The following METTL15 variants were observed in gnomAD, a reference collection of about 807,000 sequenced individuals.
The protein encoded by METTL15 is methyltransferase 15, mitochondrial 12S rRNA N4-cytidine, also known as 12S rRNA N(4)-cytidine methyltransferase METTL15.
Under a neutral mutation model 38.3 loss-of-function variants are expected in METTL15, and 34 were observed. The ratio of observed to expected loss-of-function variants is 0.89; its 90% CI spans 0.68 to 1.18. The LOEUF is 1.18. Ranked by LOEUF, METTL15 falls within the 50% of genes most tolerant of loss-of-function variation. The pLI, the probability that METTL15 is intolerant of heterozygous loss-of-function variation, is 0.00. For missense variants in METTL15, 438 were observed against 498.4 expected (o/e 0.88, Z 1.15); for synonymous variants, 162 against 170.9 (o/e 0.95, Z 0.41).
intron 4 of METTL15, among the ~76,000 whole-genome samples, chr11:28,228,182 C>G (rs1853555156): frequency 6.6e-6 from 1 of 151,832 alleles, no homozygotes; most frequent in African/African-American, 2.4e-5. Context: ...AGAATCTCCT[C>G]CCTTGTGTGT....
At chr11:28,195,545 C>A (rs1487589537) in intron 3 of METTL15, among the ~76,000 whole-genome samples, 6 of 151,996 alleles carry the variant, frequency 3.9e-5, no homozygotes, top group Non-Finnish European at 7.4e-5. Context: ...TATTTGCCTG[C>A]ATTTTAATGG....
At chr11:28,237,473 C>A (rs1854052554) in intron 4 of METTL15, among the ~76,000 whole-genome samples, 1 of 152,148 alleles carries the variant, frequency 6.6e-6, no homozygotes, top group Non-Finnish European at 1.5e-5. Context: ...AAGCACTTCT[C>A]TGTATTGGTT....
In METTL15 at chr11:28,113,563, G is replaced by T; in HGVS notation, c.229G>T (p.Val77Leu). The change falls in exon 3 of 7, where the codon GTG (valine) becomes TTG (leucine). Residue 77 changes from valine (V) to leucine (L), a missense_variant. Val to Leu is a conservative substitution (Grantham distance 32, BLOSUM62 1). Coordinates refer to ENST00000407364, the MANE Select transcript of METTL15 (RefSeq NM_001113528.2). The stretch of plus-strand genomic sequence containing the variant: ...GGCTAAATTACATATTCCAGTAATG[G>T]TGGATGAAGTTGTTCATTGTTTGTC... ...TMAKLHIPVM[V>L]DEVVHCLSPQ... is the part of the protein sequence containing the mutation. 6.2e-7 allele frequency: 1 copy of T among 1,612,586 alleles called. No individual in the cohort carries two copies. The highest frequency in any genetic ancestry group is 1.7e-4 in the Middle Eastern group (1 of 6,050).
At chr11:28,443,104 A>T (rs950762688) in intron 6 of METTL15, among the ~76,000 whole-genome samples, 5 of 152,180 alleles carry the variant, frequency 3.3e-5, no homozygotes, top group African/African-American at 4.8e-5. Context: ...TTCTGTCTCC[A>T]TCTGCCTTTC....
At chr11:28,371,503 T>C (rs1292952149) in intron 5 of METTL15, among the ~76,000 whole-genome samples, 1 of 152,072 alleles carries the variant, frequency 6.6e-6, no homozygotes, top group African/African-American at 2.4e-5. Flanking sequence ...TTGCTTTGGC[T>C]ATTTGTGCTC....
intron 6 of METTL15, among the ~76,000 whole-genome samples, chr11:28,450,053 A>G (rs1851107343): frequency 6.6e-6 from 1 of 152,234 alleles, no homozygotes; most frequent in African/African-American, 2.4e-5. Context: ...GTAATCAATA[A>G]AAGAAATGGA....
chr11:28,322,211 A>G (rs1006670348), intron 6 of METTL15, among the ~76,000 whole-genome samples: 1 of 152,134 alleles, frequency 6.6e-6, no homozygotes, highest in African/African-American at 2.4e-5. Context: ...CAGAAACTCT[A>G]CAAAATTAAA....
intron 6 of METTL15, among the ~76,000 whole-genome samples, chr11:28,475,526 G>GGC: frequency 6.6e-6 from 1 of 152,276 alleles, no homozygotes; most frequent in Middle Eastern, 3.4e-3. Flanking sequence ...TGGTTTTCAT[G>GGC]GTTTGACACA....
In METTL15 at chr11:28,286,085, C is replaced by A. The variant is rs1229579120; in HGVS notation, c.408-4121C>A. 1.3e-5 allele frequency among the ~76,000 whole-genome samples: 2 copies of A among 152,036 alleles called. 1 individual carries two copies. The highest frequency in any genetic ancestry group is 2.9e-5 in the Non-Finnish European group (2 of 68,010). ...TCTTATTATATGAAGAAATTTATTT[C>A]AAGGAGTTAACTCACCTGATTGTGG... is the stretch of plus-strand genomic sequence containing the variant. On this transcript the variant is annotated intron_variant, in intron 4 of 6. Coordinates refer to ENST00000407364, the MANE Select transcript of METTL15 (RefSeq NM_001113528.2).
chr11:28,395,605 T>C (rs1370985689), intron 5 of METTL15, among the ~76,000 whole-genome samples: 1 of 152,034 alleles, frequency 6.6e-6, no homozygotes, highest in Non-Finnish European at 1.5e-5. Flanking sequence ...ATAGAGGCAA[T>C]AGCCTACCAA....
At chr11:28,512,943 C>T (rs914533058) in intron 6 of METTL15, among the ~76,000 whole-genome samples, 3 of 152,210 alleles carry the variant, frequency 2.0e-5, no homozygotes, top group Admixed American at 2.0e-4. Context: ...TTGTTCTTGT[C>T]TTCACATTGA....
intron 5 of METTL15, among the ~76,000 whole-genome samples, chr11:28,380,154 T>G (rs1247041899): frequency 6.8e-6 from 1 of 147,802 alleles, no homozygotes; most frequent in African/African-American, 2.5e-5. Context: ...CTTTATCCAT[T>G]CAGCCACTTT....
chr11:28,311,287 T>C (rs1017750534), intron 6 of METTL15, among the ~76,000 whole-genome samples: 2 of 152,218 alleles, frequency 1.3e-5, no homozygotes, highest in African/African-American at 4.8e-5. Flanking sequence ...ATTATCAATT[T>C]TGGAAATGTC....
intron 6 of METTL15, among the ~76,000 whole-genome samples, chr11:28,508,131 C>T (rs1851645067): frequency 6.6e-6 from 1 of 152,078 alleles, no homozygotes; most frequent in South Asian, 2.1e-4. Context: ...AAACTTATTT[C>T]CTGCTCAGAG....
At chr11:28,411,576 T>C (rs934874794) in intron 5 of METTL15, among the ~76,000 whole-genome samples, 1 of 151,878 alleles carries the variant, frequency 6.6e-6, no homozygotes, top group Non-Finnish European at 1.5e-5. Context: ...TACACAGAAA[T>C]CAACTCAAAA....
intron 4 of METTL15, among the ~76,000 whole-genome samples, chr11:28,216,513 G>C (rs1565174314): frequency 1.3e-5 from 2 of 151,980 alleles, no homozygotes; most frequent in Non-Finnish European, 2.9e-5. Context: ...GAATATACAA[G>C]TTCTATGAGA....
At chr11:28,193,532 G>A (rs1851777779) in intron 3 of METTL15, among the ~76,000 whole-genome samples, 1 of 152,008 alleles carries the variant, frequency 6.6e-6, no homozygotes, top group Non-Finnish European at 1.5e-5. Context: ...CTCCCTCCAG[G>A]CCCCACTTCC....
At chr11:28,170,391 A>T (rs1850813785) in intron 3 of METTL15, among the ~76,000 whole-genome samples, 1 of 152,056 alleles carries the variant, frequency 6.6e-6, no homozygotes, top group African/African-American at 2.4e-5. Flanking sequence ...CTCAATCCAG[A>T]CCCCAAGAGA....
At chr11:28,496,925 T>C (rs1160061681) in intron 6 of METTL15, among the ~76,000 whole-genome samples, 1 of 152,216 alleles carries the variant, frequency 6.6e-6, no homozygotes, top group Non-Finnish European at 1.5e-5. Flanking sequence ...CTTTCTTGAC[T>C]GAGATTCTTT....
Sources: allele counts gnomAD v4.1 joint callset (sites outside exome capture counted in the v4.1 genomes callset), GRCh38; gene constraint gnomAD v4.1.1; transcripts MANE v1.5; gene names NCBI Gene and HGNC (gene_info 2026-07-23, HGNC 2026-07-21).